NPAS3: variants seen among roughly 807,000 people sequenced by gnomAD.
The protein encoded by NPAS3 is neuronal PAS domain protein 3, also known as neuronal PAS domain-containing protein 3.
NPAS3 carries 14 observed loss-of-function variants against 73.1 expected under a neutral mutation model. The ratio of observed to expected loss-of-function variants is 0.19; its 90% CI spans 0.13 to 0.30. The LOEUF is 0.30. Among genes scored for constraint, NPAS3 ranks in the 10% least tolerant of loss-of-function variants. The pLI is 1.00. For missense variants in NPAS3, 1,096 were observed against 1,250.0 expected, an observed-to-expected ratio of 0.88 and a Z score of 1.86; for synonymous variants, 620 against 541.5, an observed-to-expected ratio of 1.14 and a Z score of -2.01.
chr14:33,021,945 C>G (rs911271328), intron 1 of NPAS3, among the ~76,000 whole-genome samples: 1 of 152,082 alleles, frequency 6.6e-6, no homozygotes, highest in African/African-American at 2.4e-5. Flanking sequence ...ATTATCATCC[C>G]CATTGCACTG....
intron 1 of NPAS3, among the ~76,000 whole-genome samples, chr14:33,039,522 G>C (rs1024611748): frequency 6.6e-6 from 1 of 152,076 alleles, no homozygotes; most frequent in African/African-American, 2.4e-5. Flanking sequence ...GTGGGCCCTC[G>C]CTTTGCCTCT....
At chr14:33,621,413 C>G (rs1009683523) in intron 5 of NPAS3, among the ~76,000 whole-genome samples, 2 of 151,996 alleles carry the variant, frequency 1.3e-5, no homozygotes, top group Non-Finnish European at 2.9e-5. Flanking sequence ...ATTTCTTCTC[C>G]CCTCTAGTTC....
chr14:33,601,313 G>A (rs1156643863), intron 5 of NPAS3, among the ~76,000 whole-genome samples: 2 of 152,148 alleles, frequency 1.3e-5, no homozygotes, highest in Non-Finnish European at 2.9e-5. Flanking sequence ...ATGACAATTG[G>A]GCAGTGCCCC....
intron 2 of NPAS3, among the ~76,000 whole-genome samples, chr14:33,147,594 G>A (rs1240412823): frequency 6.6e-6 from 1 of 150,864 alleles, no homozygotes; most frequent in Admixed American, 6.6e-5. Flanking sequence ...GGGGTCGGGG[G>A]AGGGATAGCA....
chr14:33,622,239 G>A (rs2140099011), intron 5 of NPAS3, among the ~76,000 whole-genome samples: 2 of 152,106 alleles, frequency 1.3e-5, no homozygotes, highest in Admixed American at 1.3e-4. Context: ...CTGGGTCCAA[G>A]ATTGGGATGC....
intron 4 of NPAS3, among the ~76,000 whole-genome samples, chr14:33,529,827 G>A (rs557127507): frequency 1.9e-4 from 29 of 151,946 alleles, no homozygotes; most frequent in South Asian, 2.1e-4. Flanking sequence ...GAAAGGCACC[G>A]TTTCACTTGG....
intron 2 of NPAS3, among the ~76,000 whole-genome samples, chr14:33,178,342 G>A (rs1246287908): frequency 6.6e-6 from 1 of 152,004 alleles, no homozygotes; most frequent in Non-Finnish European, 1.5e-5. Flanking sequence ...CAAAATGCTG[G>A]GATCACAGGC....
intron 4 of NPAS3, among the ~76,000 whole-genome samples, chr14:33,388,494 T>C (rs1021191641): frequency 6.9e-6 from 1 of 145,700 alleles, no homozygotes; most frequent in Non-Finnish European, 1.5e-5. Context: ...CTGTGGCAGG[T>C]GAATGGGGGC....
intron 3 of NPAS3, among the ~76,000 whole-genome samples, chr14:33,365,756 A>G (rs1367265518): frequency 1.3e-5 from 2 of 152,194 alleles, no homozygotes; most frequent in Non-Finnish European, 2.9e-5. Context: ...TCACATTTGC[A>G]GGGGTAAACT....
At chr14:33,122,126 T>C (rs777593030) in intron 2 of NPAS3, among the ~76,000 whole-genome samples, 7 of 152,154 alleles carry the variant, frequency 4.6e-5, no homozygotes, top group Non-Finnish European at 7.4e-5. Context: ...TCTGTTGGTG[T>C]AGATGTTCAC....
chr14:33,113,342 G>A lies in NPAS3; in HGVS notation c.140+57348G>A, dbSNP rs199539200. ...ATTTGTTTGTGTCCTCTTTTATTTC[G>A]TTGAGCAGTGGTTTGTAGTTCTCCT... On this transcript the variant is annotated intron_variant, in intron 2 of 11. Transcript: ENST00000356141. Among the ~76,000 whole-genome samples, 367 of 151,974 alleles carry A rather than the reference G, an allele frequency of 2.4e-3. 9 individuals are homozygous for A. The East Asian group carries it at 0.055, about 23-fold the overall frequency.
At chr14:33,314,398 A>G (rs902232220) in intron 3 of NPAS3, among the ~76,000 whole-genome samples, 10 of 152,054 alleles carry the variant, frequency 6.6e-5, no homozygotes, top group African/African-American at 2.4e-4. Context: ...TGACTTAGCT[A>G]AAGTATTTGA....
intron 5 of NPAS3, among the ~76,000 whole-genome samples, chr14:33,595,711 T>C (rs974599086): frequency 6.6e-6 from 1 of 152,088 alleles, no homozygotes; most frequent in Non-Finnish European, 1.5e-5. Flanking sequence ...GGCCCTGTCG[T>C]CCAGGCTGGA....
intron 6 of NPAS3, among the ~76,000 whole-genome samples, chr14:33,687,238 A>G (rs906222424): frequency 1.2e-4 from 19 of 152,204 alleles, no homozygotes; most frequent in African/African-American, 4.6e-4. Context: ...ATCAATTGGT[A>G]ATAAAATATG....
chr14:33,785,101 C>A (rs999709850), intron 9 of NPAS3, among the ~76,000 whole-genome samples: 3 of 151,612 alleles, frequency 2.0e-5, no homozygotes, highest in African/African-American at 7.3e-5. Flanking sequence ...CAAAAAATAA[C>A]CCATTGCTCT....
At chr14:33,664,008 T>G (rs879913575) in intron 5 of NPAS3, among the ~76,000 whole-genome samples, 15 of 152,104 alleles carry the variant, frequency 9.9e-5, no homozygotes, top group Middle Eastern at 6.9e-3. Context: ...ATTCATTGAT[T>G]TTTTTGAAGG....
chr14:33,422,186 T>C (rs901837719), intron 4 of NPAS3, among the ~76,000 whole-genome samples: 1 of 151,964 alleles, frequency 6.6e-6, no homozygotes, highest in Non-Finnish European at 1.5e-5. Flanking sequence ...TGTCAGTTCT[T>C]AGTAAGTGTT....
chr14:33,319,572 CA>C (rs2043348968), intron 3 of NPAS3, among the ~76,000 whole-genome samples: 1 of 151,962 alleles, frequency 6.6e-6, no homozygotes, highest in South Asian at 2.1e-4. Context: ...TTCTCCTTAA[CA>C]AAAAGAATTC....
At chr14:33,064,521 G>C (rs1023505733) in intron 2 of NPAS3, among the ~76,000 whole-genome samples, 4 of 152,160 alleles carry the variant, frequency 2.6e-5, no homozygotes, top group African/African-American at 9.7e-5. Context: ...AACTTGTGTT[G>C]AGGGAATATT....
Sources: gnomAD v4.1 joint callset for allele counts (sites outside exome capture counted in the v4.1 genomes callset) on GRCh38, gnomAD v4.1.1 for gene constraint, MANE v1.5 for transcripts, NCBI Gene and HGNC (gene_info 2026-07-23, HGNC 2026-07-21) for gene names.